PDCD4: variants seen among roughly 807,000 people sequenced by gnomAD.
The protein encoded by PDCD4 is programmed cell death 4, also known as programmed cell death protein 4.
A neutral mutation model predicts 54.0 loss-of-function variants in PDCD4; 56 were observed. The observed-to-expected ratio is 1.04, with a 90% confidence interval of 0.84 to 1.30. The LOEUF (loss-of-function observed/expected upper bound fraction) is 1.30. Among genes scored for constraint, PDCD4 ranks in the 50% most tolerant of loss-of-function variants. The probability of loss-of-function intolerance (pLI) is 0.00; values close to 1 mark genes in which losing one functional copy is unlikely to be tolerated. For missense variants in PDCD4, 584 were observed against 559.8 expected, an observed-to-expected ratio of 1.04 and a Z score of -0.44; for synonymous variants, 186 against 194.8, an observed-to-expected ratio of 0.95 and a Z score of 0.37.
chr10:110,876,485 C>T (rs1016340732), intron 2 of PDCD4, among the ~76,000 whole-genome samples: 2 of 152,108 alleles, frequency 1.3e-5, no homozygotes, highest in African/African-American at 4.8e-5. Flanking sequence ...CATTACATGT[C>T]CTATTTTTCT....
chr10:110,893,853 A>G (rs1845791756), intron 8 of PDCD4, among the ~76,000 whole-genome samples: 1 of 152,028 alleles, frequency 6.6e-6, no homozygotes, highest in Admixed American at 6.6e-5. Context: ...GTTCTCAGTG[A>G]TTCAGACACA....
rs551033439 is a variant in PDCD4, at chr10:110,897,993, A to T, written c.1350-35A>T. ...TATATTGACTATAGTCAGAATTTGTATCTGTTTTCATGTCTTTTTTTTTCT... is the reference window on the plus strand; with the variant it reads ...TATATTGACTATAGTCAGAATTTGTTTCTGTTTTCATGTCTTTTTTTTTCT... On this transcript the variant is annotated intron_variant, in intron 11 of 11. Transcript: ENST00000280154. 19 of 1,477,396 alleles carry T rather than the reference A, an allele frequency of 1.3e-5. No individual in the cohort carries two copies. In the African/African-American group the frequency reaches 2.3e-4, roughly 18 times the overall value. The allele number at this position is 1,477,396 out of a possible 1,614,324, so 91.5% of individuals were successfully genotyped here. A position where few individuals can be genotyped will look rare whatever the true frequency, so the allele number is the denominator to read the frequency against.
At chr10:110,883,133 GT>G in intron 4 of PDCD4, 36 bp downstream of exon 4, 1 of 1,336,264 alleles carries the variant, frequency 7.5e-7, no homozygotes, top group South Asian at 1.3e-5. Context: ...TATTTAAAAT[GT>G]TTATGAACTT....
At chr10:110,882,035 C>T (rs1391423681) in intron 3 of PDCD4, among the ~76,000 whole-genome samples, 2 of 152,060 alleles carry the variant, frequency 1.3e-5, no homozygotes, top group Non-Finnish European at 2.9e-5. Flanking sequence ...TTCTCTAGTA[C>T]CCGAAATAGT....
chr10:110,876,158 C>G lies in PDCD4; in HGVS notation c.43+88C>G, dbSNP rs182860136. 5.0e-4 allele frequency: 504 copies of G among 1,013,238 alleles called. 4 individuals are homozygous for G. In the African/African-American group the frequency reaches 7.7e-3, roughly 15 times the overall value. 62.8% of individuals were successfully genotyped at this position (1,013,238 alleles called of 1,614,324 possible). A position where few individuals can be genotyped will look rare whatever the true frequency, so the allele number is the denominator to read the frequency against. ...CCAGGCTGGAGTGCAGTGGTGTGATCATGGCTCACTGCAGTTTTGACTTTC... is the reference window on the plus strand; with the variant it reads ...CCAGGCTGGAGTGCAGTGGTGTGATGATGGCTCACTGCAGTTTTGACTTTC... On this transcript the variant is annotated intron_variant, in intron 2 of 11. Coordinates refer to ENST00000280154, the MANE Select transcript of PDCD4 (RefSeq NM_014456.5).
chr10:110,894,846 A>G (rs911192808), intron 10 of PDCD4, among the ~76,000 whole-genome samples: 1 of 151,738 alleles, frequency 6.6e-6, no homozygotes, highest in African/African-American at 2.4e-5. Context: ...AACTTTTAAC[A>G]AATTATAAAG....
chr10:110,881,810 C>T (rs1845597253), intron 3 of PDCD4, among the ~76,000 whole-genome samples: 1 of 152,112 alleles, frequency 6.6e-6, no homozygotes, highest in African/African-American at 2.4e-5. Context: ...ATGTTTTTCA[C>T]TGTTACGAGT....
At chr10:110,897,807 CTTA>C (rs1845866052) in intron 11 of PDCD4, among the ~76,000 whole-genome samples, 1 of 150,318 alleles carries the variant, frequency 6.7e-6, no homozygotes, top group South Asian at 2.1e-4. Context: ...GGATAGTGAA[CTTA>C]TTAAAACAAA....
At chr10:110,895,612 G>A (rs1048857864) in intron 10 of PDCD4, among the ~76,000 whole-genome samples, 1 of 152,140 alleles carries the variant, frequency 6.6e-6, no homozygotes, top group African/African-American at 2.4e-5. Flanking sequence ...GGATTGTCGG[G>A]TTGAACGGTA....
chr10:110,897,528 A>G (rs538564155), intron 11 of PDCD4, among the ~76,000 whole-genome samples: 2 of 152,326 alleles, frequency 1.3e-5, no homozygotes, highest in East Asian at 3.9e-4. Flanking sequence ...GAATCCCAAA[A>G]TGGGGCATAG....
chr10:110,895,356 T>C (rs1845815700), intron 10 of PDCD4, among the ~76,000 whole-genome samples: 1 of 152,174 alleles, frequency 6.6e-6, no homozygotes, highest in South Asian at 2.1e-4. Context: ...TGTGATAATT[T>C]TCTTAGGATA....
chr10:110,896,114 A>C (rs770165433), intron 11 of PDCD4, 27 bp downstream of exon 11: 6 of 1,527,638 alleles, frequency 3.9e-6, no homozygotes, highest in South Asian at 1.2e-5. Flanking sequence ...CTACTTTCTC[A>C]ATGTAAAATA....
At chr10:110,894,319 A>C (rs1306589524) in intron 9 of PDCD4, 93 bp from the exon 10 acceptor site, 10 of 896,568 alleles carry the variant, frequency 1.1e-5, no homozygotes, top group Non-Finnish European at 1.6e-5. Flanking sequence ...GTGGTTATTA[A>C]ATTTCTACGA....
intron 3 of PDCD4, among the ~76,000 whole-genome samples, chr10:110,882,485 A>G (rs1434172592): frequency 6.6e-6 from 1 of 152,200 alleles, no homozygotes; most frequent in Non-Finnish European, 1.5e-5. Context: ...ATTCTTTTCT[A>G]TATTTATAAC....
At chr10:110,885,688 G>T (rs996163593) in intron 5 of PDCD4, among the ~76,000 whole-genome samples, 1 of 151,268 alleles carries the variant, frequency 6.6e-6, no homozygotes, top group African/African-American at 2.4e-5. Flanking sequence ...CAGTTTGAGG[G>T]CACTTCTAGA....
intron 3 of PDCD4, 98 bp downstream of exon 3, chr10:110,881,633 A>T: frequency 1.0e-6 from 1 of 978,082 alleles, no homozygotes; most frequent in Non-Finnish European, 1.5e-6. Flanking sequence ...AATGAGAGAG[A>T]TTCAAAAAGT....
chr10:110,882,898 T>C, intron 3 of PDCD4, 105 bp from the exon 4 acceptor site: 1 of 736,548 alleles, frequency 1.4e-6, no homozygotes, highest in Non-Finnish European at 2.3e-6. Flanking sequence ...ACACGTTAAA[T>C]ACAATTTTTT....
chr10:110,894,002 T>C (rs1845793194), intron 8 of PDCD4, 89 bp from the exon 9 acceptor site: 2 of 728,676 alleles, frequency 2.7e-6, no homozygotes, highest in Non-Finnish European at 4.9e-6. Flanking sequence ...TATTTCATTA[T>C]ATTGGAATGA....
At position 110,887,800 on chromosome 10, in the gene PDCD4, A is replaced by AT; in HGVS notation, c.692dup (p.Met231IlefsTer5). On this transcript the variant is annotated frameshift_variant, in exon 6 of 12. Coordinates refer to ENST00000280154, the MANE Select transcript of PDCD4 (RefSeq NM_014456.5). LOFTEE classifies it high-confidence loss of function. ...TCTTTCTGACCTTTGTGGGACAGTA[A>AT]TGAGCACAACTGATGTGGAAAAATC... 1 of 1,613,786 alleles carries AT rather than the reference A, an allele frequency of 6.2e-7. No homozygotes were observed. Among genetic ancestry groups the AT allele is most frequent in the Non-Finnish European group, 8.5e-7 (1 of 1,179,718 alleles).
Sources: allele counts gnomAD v4.1 joint callset (sites outside exome capture counted in the v4.1 genomes callset), GRCh38; gene constraint gnomAD v4.1.1; transcripts MANE v1.5; gene names NCBI Gene and HGNC (gene_info 2026-07-23, HGNC 2026-07-21).